The following QSOX1 variants were observed in gnomAD, a reference collection of about 807,000 sequenced individuals.
The protein encoded by QSOX1 is sulfhydryl oxidase 1.
A neutral mutation model predicts 76.1 loss-of-function variants in QSOX1; 40 were observed. The observed-to-expected ratio is 0.53, with a 90% CI of 0.41 to 0.68. The LOEUF (loss-of-function observed/expected upper bound fraction) is 0.68. Among genes scored for constraint, QSOX1 ranks in the 30% least tolerant of loss-of-function variants. The pLI is 0.00. For missense variants in QSOX1, 931 were observed against 974.3 expected (o/e 0.96, Z 0.59); for synonymous variants, 392 against 413.1 (o/e 0.95, Z 0.62).
Position 180,194,358 on chromosome 1 carries a change from G to A in QSOX1, c.1434G>A (p.Trp478Ter). 4 of 1,587,896 alleles carry A rather than the reference G, an allele frequency of 2.5e-6. No homozygotes were observed. Among genetic ancestry groups the A allele is most frequent in the Non-Finnish European group, 3.4e-6 (4 of 1,163,592 alleles). Residue 478 changes from tryptophan (W) to a stop codon, truncating the protein, a stop_gained, in exon 11 of 12, where the codon TGG becomes TGA. Coordinates refer to ENST00000367602, the MANE Select transcript of QSOX1 (RefSeq NM_002826.5). LOFTEE classifies it high-confidence loss of function. ...CCAACGCCGCTGTCCTCTGGCTCTG[G>A]TCTAGCCACAACAGGGTCAATGCTC... ...GSPNAAVLWLWSSHNRVNARL... is the reference protein window; with the variant it reads ...GSPNAAVLWL
Position 180,197,536 on chromosome 1 carries a change from C to T in QSOX1, c.*499C>T. ...CTTTGCACCCTGGGAGGAAGGACCA[C>T]CCCGGGCCCTCTATGCCTGGCCAGC... On this transcript the variant is annotated 3_prime_UTR_variant, in exon 12 of 12. Transcript: ENST00000367602. The T allele has an allele frequency of 2.5e-6, 2 of 808,334 alleles. No homozygotes were observed. The highest frequency in any genetic ancestry group is 3.4e-5 in the South Asian group (2 of 58,434). 50.1% of individuals were successfully genotyped at this position (808,334 alleles called of 1,614,324 possible).
chr1:180,197,137 C>A lies in QSOX1; in HGVS notation c.*100C>A. 1 of 727,650 alleles carries A rather than the reference C, an allele frequency of 1.4e-6. No individual in the cohort carries two copies. The highest frequency in any genetic ancestry group is 2.1e-6 in the Non-Finnish European group (1 of 482,244). The allele number at this position is 727,650 out of a possible 1,614,324, so 45.1% of individuals were successfully genotyped here. A position where few individuals can be genotyped will look rare whatever the true frequency, so the allele number is the denominator to read the frequency against. On this transcript the variant is annotated 3_prime_UTR_variant, in exon 12 of 12. Coordinates refer to ENST00000367602, the MANE Select transcript of QSOX1 (RefSeq NM_002826.5). ...CTCCCACCCCTTGCTCCTTGTCTGG[C>A]CTAGAAGTGTGGGAAATTCAGGAAA...
rs147174133 is a variant in QSOX1 at position 180,189,605 on chromosome 1, G to T, written c.1071G>T (p.Trp357Cys). 592 of 1,613,430 alleles carry T rather than the reference G, an allele frequency of 3.7e-4. No individual in the cohort carries two copies. Among genetic ancestry groups the T allele is most frequent in the Non-Finnish European group, 4.8e-4 (566 of 1,179,660 alleles). Residue 357 changes from tryptophan (W) to cysteine (C), a missense_variant, in exon 9 of 12, where the codon TGG becomes TGT. By Grantham distance (215) the Trp-to-Cys change is radical. Coordinates refer to ENST00000367602, the MANE Select transcript of QSOX1 (RefSeq NM_002826.5). ...VQNFLHSVNE[W>C]LKRQKRNKIP... Reference sequence around the variant, plus strand: ...ACTTCCTGCACTCCGTGAATGAATGGCTCAAGAGGCAGAAGAGAAATAAAA... The same window carrying T: ...ACTTCCTGCACTCCGTGAATGAATGTCTCAAGAGGCAGAAGAGAAATAAAA...
intron 2 of QSOX1, among the ~76,000 whole-genome samples, chr1:180,170,582 C>T (rs1018731040): frequency 3.9e-5 from 6 of 152,114 alleles, no homozygotes; most frequent in Non-Finnish European, 7.3e-5. Context: ...CTTCCAGTAG[C>T]TCCTGTGTAA....
At chr1:180,187,475 C>T (rs948579993) in intron 8 of QSOX1, among the ~76,000 whole-genome samples, 1 of 152,214 alleles carries the variant, frequency 6.6e-6, no homozygotes, top group African/African-American at 2.4e-5. Context: ...CCCGGCATGC[C>T]TCAGACACCC....
In QSOX1 at chr1:180,190,454, G is replaced by A. The variant is rs149960435; in HGVS notation, c.1162G>A (p.Val388Met). ...TCAGGGTGCCGTTCTTGCCAAGAAG[G>A]TGAACTGGATTGGCTGCCAGGGGAG... ...RKEGAVLAKKVNWIGCQGSEP... is the reference protein window; with the variant it reads ...RKEGAVLAKKMNWIGCQGSEP... The change falls in exon 10 of 12, where the codon GTG becomes ATG. Residue 388 changes from valine to methionine, a missense_variant. Coordinates refer to ENST00000367602, the MANE Select transcript of QSOX1 (RefSeq NM_002826.5). The A allele has an allele frequency of 2.5e-6, 4 of 1,613,990 alleles. No individual in the cohort carries two copies. Among genetic ancestry groups the A allele is most frequent in the South Asian group, 1.1e-5 (1 of 91,074 alleles).
chr1:180,157,937 A>G (rs1411257356), intron 1 of QSOX1, among the ~76,000 whole-genome samples: 2 of 152,236 alleles, frequency 1.3e-5, no homozygotes, highest in Non-Finnish European at 2.9e-5. Flanking sequence ...ATGGGAACCC[A>G]GGGGAGGGGA....
At chr1:180,184,690 C>A (rs867632506) in intron 7 of QSOX1, among the ~76,000 whole-genome samples, 12 of 152,248 alleles carry the variant, frequency 7.9e-5, no homozygotes, top group Middle Eastern at 3.4e-3. Flanking sequence ...TGCACTGGTA[C>A]CAGCTGCATA....
At position 180,183,897 on chromosome 1, in the gene QSOX1, T is replaced by G. The variant is rs761351363; in HGVS notation, c.753-19T>G. On this transcript the variant is annotated intron_variant, in intron 6 of 11. Transcript: ENST00000367602. ...CTCTGCACTTACTGCCTCTCCTCCC[T>G]GGTTCTGTGCCCTCACAGGCTCATG... The G allele has an allele frequency of 5.0e-6, 8 of 1,608,300 alleles. No individual in the cohort carries two copies. The highest frequency in any genetic ancestry group is 2.2e-5 in the East Asian group (1 of 44,782).
At chr1:180,189,433 C>A in intron 8 of QSOX1, 119 bp from the exon 9 acceptor site, 2 of 331,764 alleles carry the variant, frequency 6.0e-6, no homozygotes, top group East Asian at 1.2e-4. Flanking sequence ...CAACCTCCTC[C>A]CCACTGCCCC....
chr1:180,167,011 A>C (rs547425089), intron 2 of QSOX1, among the ~76,000 whole-genome samples: 1 of 152,250 alleles, frequency 6.6e-6, no homozygotes, highest in Non-Finnish European at 1.5e-5. Context: ...TGCCTCAGGC[A>C]GCAGGGATCC....
Position 180,202,208 on chromosome 1 carries a change from T to C in QSOX1, c.*5171T>C, listed in dbSNP as rs1663648949. The C allele has an allele frequency of 6.6e-6, 1 of 152,316 alleles. No homozygotes were observed. Among genetic ancestry groups the C allele is most frequent in the Non-Finnish European group, 1.5e-5 (1 of 68,132 alleles). 9.4% of individuals were successfully genotyped at this position (152,316 alleles called of 1,614,324 possible). A position where few individuals can be genotyped will look rare whatever the true frequency, so the allele number is the denominator to read the frequency against. On this transcript the variant is annotated 3_prime_UTR_variant, in exon 12 of 12. Transcript: ENST00000367602. The stretch of plus-strand genomic sequence containing the variant: ...GAGGACTCAGGGAACATCTACAGAC[T>C]CTAGGGCTAGGGTGAGATCCTCCTG...
rs1000170006 is a variant in QSOX1, at chr1:180,196,725, G to T, written c.1932G>T (p.Lys644Asn). 1 of 1,614,138 alleles carries T rather than the reference G, an allele frequency of 6.2e-7. No individual in the cohort carries two copies. The highest frequency in any genetic ancestry group is 8.5e-7 in the Non-Finnish European group (1 of 1,180,036). ...CGCTTGGGCAGTGGCACTTGAGCAA[G>T]CGAGACACAGGGGCTGCATTGCTGG... The part of the protein sequence containing the change: ...EQPLGQWHLS[K>N]RDTGAALLAE... Residue 644 changes from lysine to asparagine, a missense_variant, in exon 12 of 12, where the codon AAG becomes AAT. Coordinates refer to ENST00000367602, the MANE Select transcript of QSOX1 (RefSeq NM_002826.5). This position sits in a 1 kb window ranked among gnomAD's most constrained non-coding sequence, Gnocchi z 4.1.
intron 1 of QSOX1, among the ~76,000 whole-genome samples, chr1:180,155,542 T>G (rs968535967): frequency 6.6e-6 from 1 of 152,178 alleles, no homozygotes; most frequent in African/African-American, 2.4e-5. Context: ...GCCAGCCTTG[T>G]GGCAGTCCTC....
Position 180,178,233 on chromosome 1 carries a change from T to G in QSOX1, c.516-561T>G, listed in dbSNP as rs544562455. Among the ~76,000 whole-genome samples, 81 of 152,176 alleles carry G rather than the reference T, an allele frequency of 5.3e-4. No individual in the cohort carries two copies. In the Middle Eastern group the frequency reaches 0.01, roughly 19 times the overall value. ...CGGCCTCCTACCCACTTCCGACTCTTTTTGTTTGTTTGTTTGTTTTTTGGA... is the reference window on the plus strand; with the variant it reads ...CGGCCTCCTACCCACTTCCGACTCTGTTTGTTTGTTTGTTTGTTTTTTGGA... On this transcript the variant is annotated intron_variant, in intron 4 of 11. Transcript: ENST00000367602.
intron 8 of QSOX1, among the ~76,000 whole-genome samples, 165 bp from the exon 9 acceptor site, chr1:180,189,387 G>GAC: frequency 2.6e-5 from 4 of 152,274 alleles, no homozygotes; most frequent in Admixed American, 2.6e-4. Flanking sequence ...TTGTGTCTTA[G>GAC]TTAGAATGTT....
intron 2 of QSOX1, among the ~76,000 whole-genome samples, chr1:180,168,387 G>A (rs897180247): frequency 3.3e-5 from 5 of 149,280 alleles, no homozygotes; most frequent in South Asian, 2.1e-4. Flanking sequence ...GGCCTCCCCC[G>A]GCAAAGCCTT....
rs951037660 is a variant in QSOX1, at chr1:180,202,794, T to A, written c.*5757T>A. ...TCTACTTGACGTCACTTTTAAGAAATAAGGCCAGGCACGGTGGCTCACGCT... is the reference window on the plus strand; with the variant it reads ...TCTACTTGACGTCACTTTTAAGAAAAAAGGCCAGGCACGGTGGCTCACGCT... On this transcript the variant is annotated 3_prime_UTR_variant, in exon 12 of 12. Transcript: ENST00000367602. 2 of 151,416 alleles carry A rather than the reference T, an allele frequency of 1.3e-5. No individual in the cohort carries two copies. The highest frequency in any genetic ancestry group is 6.6e-5 in the Admixed American group (1 of 15,172). The allele number at this position is 151,416 out of a possible 1,614,324, so 9.4% of individuals were successfully genotyped here.
chr1:180,169,345 G>A (rs1435677373), intron 2 of QSOX1, among the ~76,000 whole-genome samples: 2 of 152,258 alleles, frequency 1.3e-5, no homozygotes, highest in Non-Finnish European at 2.9e-5. Context: ...CGGAGCAAGG[G>A]GTACACAGCA....
Sources: allele counts gnomAD v4.1 joint callset (sites outside exome capture counted in the v4.1 genomes callset), GRCh38; gene constraint gnomAD v4.1.1; non-coding constraint Gnocchi (gnomAD v3.1); transcripts MANE v1.5; gene names NCBI Gene and HGNC (gene_info 2026-07-23, HGNC 2026-07-21).